MACF1: variants seen among roughly 807,000 people sequenced by gnomAD.
MACF1 encodes the protein microtubule-actin cross-linking factor 1.
Under a neutral mutation model 854.8 loss-of-function variants are expected in MACF1, and 193 were observed. The ratio of observed to expected loss-of-function variants is 0.23; its 90% confidence interval spans 0.20 to 0.25. MACF1 has a LOEUF of 0.25. Ranked by LOEUF, MACF1 falls within the 10% of genes least tolerant of loss-of-function variation. The pLI, the probability that MACF1 is intolerant of heterozygous loss-of-function variation, is 1.00. For synonymous variants in MACF1, 3,185 were observed against 3,226.7 expected (o/e 0.99, Z 0.44); for missense variants, 7,722 against 8,929.1 (o/e 0.86, Z 5.45).
rs1641861332 is a variant in MACF1 at position 39,387,764 on chromosome 1, A to G, written c.14922A>G (p.Glu4974=). 2 of 1,614,068 alleles carry G rather than the reference A, an allele frequency of 1.2e-6. No homozygotes were observed. Among genetic ancestry groups the G allele is most frequent in the Non-Finnish European group, 8.5e-7 (1 of 1,180,048 alleles). The stretch of plus-strand genomic sequence containing the variant: ...CTGACATTCTGATCAATTCTTCAGA[A>G]GCAGATGAGGATGGAATCCGGGATG... The part of the protein sequence containing the change: ...SAADILINSS[E]ADEDGIRDEK... Residue 4974 remains glutamate, a synonymous_variant, in exon 58 of 101, where the codon GAA becomes GAG. Coordinates refer to ENST00000564288, the MANE Select transcript of MACF1 (RefSeq NM_001394062.1).
At chr1:39,307,901 C>CTTTCTTTTTTTTT (rs1222230255) in intron 23 of MACF1, among the ~76,000 whole-genome samples, 79 of 50,388 alleles carry the variant, frequency 1.6e-3, no homozygotes, top group Non-Finnish European at 2.3e-3. Context: ...TTCTTTCTTT[C>CTTTCTTTTTTTTT]TTTTTTTTTT....
intron 2 of MACF1, among the ~76,000 whole-genome samples, chr1:39,090,814 G>T (rs929459083): frequency 6.6e-6 from 1 of 152,160 alleles, no homozygotes; most frequent in African/African-American, 2.4e-5. Context: ...GGCTGCACTT[G>T]TTCTTTATTT....
rs368399061 is a variant in MACF1, at chr1:39,340,566, A to C, written c.10280A>C (p.Gln3427Pro). Residue 3427 changes from glutamine to proline, a missense_variant, in exon 39 of 101, where the codon CAG becomes CCG. Physicochemically the swap from Gln to Pro is moderately conservative, Grantham distance 76 (BLOSUM62 -1). This residue lies in a region of MACF1 where 854 missense variants were observed against 852.6 expected (regional missense o/e 1.00). Coordinates refer to ENST00000564288, the MANE Select transcript of MACF1 (RefSeq NM_001394062.1). Reference protein sequence around the residue: ...LVSQELECVNQIIISQPQEVP... With the variant: ...LVSQELECVNPIIISQPQEVP... The stretch of plus-strand genomic sequence containing the variant: ...AGTCAGGAGCTGGAGTGTGTGAATC[A>C]GATTATCATCAGCCAGCCTCAAGAA... The C allele has an allele frequency of 2.1e-5, 34 of 1,614,044 alleles. No individual in the cohort carries two copies. Among genetic ancestry groups the C allele is most frequent in the Non-Finnish European group, 2.3e-5 (27 of 1,180,050 alleles).
chr1:39,316,018 G>T (rs1646405374), intron 27 of MACF1, among the ~76,000 whole-genome samples: 1 of 152,190 alleles, frequency 6.6e-6, no homozygotes, highest in African/African-American at 2.4e-5. Flanking sequence ...AAAAAGAAAA[G>T]TTTTTAGTTA....
intron 26 of MACF1, among the ~76,000 whole-genome samples, chr1:39,311,865 A>T (rs1571317045): frequency 1.3e-5 from 2 of 152,264 alleles, no homozygotes; most frequent in African/African-American, 4.8e-5. Context: ...TGGGAGCTTA[A>T]AGGGGATGGA....
intron 26 of MACF1, among the ~76,000 whole-genome samples, chr1:39,315,234 T>G (rs1258213392): frequency 6.6e-6 from 1 of 152,230 alleles, no homozygotes; most frequent in Admixed American, 6.5e-5. Flanking sequence ...TTTTCCCTTC[T>G]TTTATATACA....
chr1:39,375,962 G>A (rs796616907), intron 52 of MACF1, among the ~76,000 whole-genome samples: 8 of 152,250 alleles, frequency 5.3e-5, no homozygotes, highest in South Asian at 2.1e-4. Flanking sequence ...ATTTTTGGTC[G>A]TGTTATTTAA....
chr1:39,379,153 G>A, intron 53 of MACF1, 50 bp from the exon 54 acceptor site: 1 of 1,520,142 alleles, frequency 6.6e-7, no homozygotes, highest in South Asian at 1.3e-5. Context: ...GAGTCAAGGA[G>A]CATACTCGAA....
At chr1:39,369,636 G>A (rs1481447396) in intron 50 of MACF1, among the ~76,000 whole-genome samples, 2 of 152,306 alleles carry the variant, frequency 1.3e-5, no homozygotes, top group East Asian at 1.9e-4. Flanking sequence ...CACCTTCCTT[G>A]CTAAAGCAAT....
At chr1:39,347,452 T>A (rs1397904240) in intron 41 of MACF1, among the ~76,000 whole-genome samples, 1 of 152,238 alleles carries the variant, frequency 6.6e-6, no homozygotes, top group African/African-American at 2.4e-5. Context: ...TGTATACATA[T>A]GCAAGTGTTT....
At chr1:39,144,642 G>A (rs1325408127) in intron 2 of MACF1, among the ~76,000 whole-genome samples, 1 of 116,522 alleles carries the variant, frequency 8.6e-6, no homozygotes, top group Admixed American at 1.0e-4. Context: ...AATCAGCGTG[G>A]CATCAATTTT....
intron 16 of MACF1, 136 bp downstream of exon 16, chr1:39,292,174 C>G: frequency 1.0e-6 from 1 of 1,003,610 alleles, no homozygotes; most frequent in Non-Finnish European, 1.4e-6. Flanking sequence ...CGGTTTATGA[C>G]AAATTCCCTT....
At chr1:39,140,870 G>A (rs923302954) in intron 2 of MACF1, among the ~76,000 whole-genome samples, 4 of 118,268 alleles carry the variant, frequency 3.4e-5, no homozygotes, top group African/African-American at 6.5e-5. Context: ...AGCCGAGATT[G>A]CACCACTGCA....
chr1:39,415,706 A>T (rs932884928), intron 58 of MACF1, among the ~76,000 whole-genome samples: 3 of 152,180 alleles, frequency 2.0e-5, no homozygotes, highest in Non-Finnish European at 2.9e-5. Flanking sequence ...GTTAGGAAAC[A>T]GTTGGAAACG....
intron 61 of MACF1, 22 bp from the exon 62 acceptor site, chr1:39,427,433 C>CT (rs1271812059): frequency 6.8e-6 from 11 of 1,608,264 alleles, no homozygotes; most frequent in Non-Finnish European, 9.3e-6. Flanking sequence ...TCCTGAGCAG[C>CT]TTGTTCTATA....
intron 66 of MACF1, among the ~76,000 whole-genome samples, chr1:39,431,641 G>C (rs2148652010): frequency 6.6e-6 from 1 of 152,208 alleles, no homozygotes; most frequent in East Asian, 1.9e-4. Flanking sequence ...TTAAATGTAA[G>C]TGTATATTGG....
intron 1 of MACF1, among the ~76,000 whole-genome samples, chr1:39,211,917 A>G (rs1431775677): frequency 1.3e-5 from 2 of 151,810 alleles, no homozygotes; most frequent in Admixed American, 6.6e-5. Context: ...ATACAGAGGT[A>G]TATAAAAAGT....
chr1:39,349,642 G>T lies in MACF1; in HGVS notation c.10965+15G>T, dbSNP rs1430420973. Reference sequence around the variant, plus strand: ...GTGACTTGAAGGTCAGTGTGAATCTGTCAATTTTGACACAAAGTCTCGCTC... The same window carrying T: ...GTGACTTGAAGGTCAGTGTGAATCTTTCAATTTTGACACAAAGTCTCGCTC... On this transcript the variant is annotated intron_variant, in intron 42 of 100. Coordinates refer to ENST00000564288, the MANE Select transcript of MACF1 (RefSeq NM_001394062.1). 6.2e-7 allele frequency: 1 copy of T among 1,612,016 alleles called. No individual in the cohort carries two copies. The highest frequency in any genetic ancestry group is 1.1e-5 in the South Asian group (1 of 90,864).
chr1:39,334,810 C>G lies in MACF1; in HGVS notation c.8222C>G (p.Thr2741Ser). ...GACATATTTAGTGATCAGAGAGTGA[C>G]TTTAGTAGAAGCTATTGAGAAAAGA... ...IVDIFSDQRVTLVEAIEKRLI... is the reference protein window; with the variant it reads ...IVDIFSDQRVSLVEAIEKRLI... The change falls in exon 37 of 101, where the codon ACT becomes AGT. Residue 2741 changes from threonine to serine, a missense_variant. By Grantham distance (58) the Thr-to-Ser change is moderately conservative. Transcript: ENST00000564288. 1 of 1,614,106 alleles carries G rather than the reference C, an allele frequency of 6.2e-7. No homozygotes were observed. The highest frequency in any genetic ancestry group is 8.5e-7 in the Non-Finnish European group (1 of 1,179,988).
Sources: gnomAD v4.1 joint callset for allele counts (sites outside exome capture counted in the v4.1 genomes callset) on GRCh38, gnomAD v4.1.1 for gene constraint, gnomAD v4.1.1 regional missense constraint, MANE v1.5 for transcripts, NCBI Gene and HGNC (gene_info 2026-07-23, HGNC 2026-07-21) for gene names.